FOCAD: variants seen among roughly 807,000 people sequenced by gnomAD.
The protein encoded by FOCAD is focadhesin.
FOCAD carries 198 observed loss-of-function variants against 225.6 expected under a neutral mutation model. That is an observed-to-expected ratio of 0.88 (90% CI 0.78 to 0.99). FOCAD has a LOEUF of 0.99. Among genes scored for constraint, FOCAD ranks in the 50% least tolerant of loss-of-function variants. The probability of loss-of-function intolerance (pLI) is 0.00; values close to 1 mark genes in which losing one functional copy is unlikely to be tolerated. For missense variants in FOCAD, 2,713 were observed against 2,123.6 expected (o/e 1.28, Z -5.46); for synonymous variants, 897 against 755.0 (o/e 1.19, Z -3.08).
intron 8 of FOCAD, among the ~76,000 whole-genome samples, 162 bp from the exon 9 acceptor site, chr9:20,778,519 C>T (rs569321912): frequency 6.6e-6 from 1 of 152,150 alleles, no homozygotes; most frequent in African/African-American, 2.4e-5. Context: ...CACGCCCGGC[C>T]GACCAATTCT....
At chr9:20,831,261 T>C (rs1825465119) in intron 15 of FOCAD, among the ~76,000 whole-genome samples, 1 of 152,126 alleles carries the variant, frequency 6.6e-6, no homozygotes, top group Non-Finnish European at 1.5e-5. Context: ...AGGCCAGTTA[T>C]CATTTATTCA....
At chr9:20,768,102 T>G (rs1319711094) in intron 7 of FOCAD, among the ~76,000 whole-genome samples, 1 of 149,792 alleles carries the variant, frequency 6.7e-6, no homozygotes, top group African/African-American at 2.4e-5. Flanking sequence ...CCATTGCTTG[T>G]TTTTCTCAGG....
chr9:20,769,935 A>T, intron 7 of FOCAD, 97 bp from the exon 8 acceptor site: 1 of 1,102,392 alleles, frequency 9.1e-7, no homozygotes, highest in Non-Finnish European at 1.3e-6. Context: ...TTATAGGTTT[A>T]GAGAAAAAAT....
chr9:20,763,853 C>A (rs1055061909), intron 6 of FOCAD, among the ~76,000 whole-genome samples: 20 of 152,056 alleles, frequency 1.3e-4, no homozygotes, highest in Middle Eastern at 3.4e-3. Context: ...ATGATCATTC[C>A]GGTGTTTTAG....
At position 20,862,498 on chromosome 9, in the gene FOCAD, T is replaced by C. The variant is rs769452908; in HGVS notation, c.1921-80T>C. Reference sequence around the variant, plus strand: ...ATTTGTTTCTTAAGTTTCCTTATAATAAAATATAGTACTCTTAATTAATGG... The same window carrying C: ...ATTTGTTTCTTAAGTTTCCTTATAACAAAATATAGTACTCTTAATTAATGG... On this transcript the variant is annotated intron_variant, in intron 15 of 43. Transcript: ENST00000338382. 9.0e-6 allele frequency: 13 copies of C among 1,452,316 alleles called. 1 individual carries two copies. The highest frequency in any genetic ancestry group is 9.2e-6 in the Non-Finnish European group (10 of 1,085,688). The allele number at this position is 1,452,316 out of a possible 1,614,324, so 90.0% of individuals were successfully genotyped here.
Position 20,885,132 on chromosome 9 carries a change from G to A in FOCAD, c.2527G>A (p.Val843Ile). The A allele has an allele frequency of 6.7e-7, 1 of 1,503,420 alleles. No homozygotes were observed. Among genetic ancestry groups the A allele is most frequent in the Non-Finnish European group, 8.9e-7 (1 of 1,124,126 alleles). The allele number at this position is 1,503,420 out of a possible 1,614,324, so 93.1% of individuals were successfully genotyped here. A position where few individuals can be genotyped will look rare whatever the true frequency, so the allele number is the denominator to read the frequency against. Residue 843 changes from valine to isoleucine, a missense_variant, in exon 21 of 44, where the codon GTT becomes ATT. Coordinates refer to ENST00000338382, the MANE Select transcript of FOCAD (RefSeq NM_001375567.1). ...AGGTGGTATGTTATTTTGCTATGAT[G>A]TTTCCATGTATCAGAGTAAAGATGG... ...LAGGMLFCYD[V>I]SMYQSKDGKP...
intron 11 of FOCAD, among the ~76,000 whole-genome samples, chr9:20,794,874 A>C (rs540944798): frequency 1.3e-5 from 2 of 152,284 alleles, no homozygotes; most frequent in South Asian, 4.1e-4. Context: ...AGCCCTTTTT[A>C]GATTTGTGAG....
chr9:20,886,374 G>A (rs542302707), intron 21 of FOCAD, among the ~76,000 whole-genome samples: 57 of 152,248 alleles, frequency 3.7e-4, no homozygotes, highest in African/African-American at 1.3e-3. Flanking sequence ...AGAGAAGGGA[G>A]AAACGTGGTA....
Position 20,948,881 on chromosome 9 carries a change from C to A in FOCAD, c.3829C>A (p.Leu1277Ile), listed in dbSNP as rs1468754247. 6.2e-7 allele frequency: 1 copy of A among 1,613,552 alleles called. No individual in the cohort carries two copies. Among genetic ancestry groups the A allele is most frequent in the South Asian group, 1.1e-5 (1 of 91,060 alleles). ...TCCCACAATGCTTTGTCTGGCAGCT[C>A]TTCATGGCATGGTGGCCTTGGTAGG... is the stretch of plus-strand genomic sequence containing the variant. Reference protein sequence around the residue: ...GTPTMLCLAALHGMVALVGSE... With the variant: ...GTPTMLCLAAIHGMVALVGSE... Residue 1277 changes from leucine to isoleucine, a missense_variant, in exon 32 of 44, where the codon CTT becomes ATT. Physicochemically the swap from Leu to Ile is conservative, Grantham distance 5. Coordinates refer to ENST00000338382, the MANE Select transcript of FOCAD (RefSeq NM_001375567.1).
chr9:20,748,807 G>T (rs1268682660), intron 5 of FOCAD, among the ~76,000 whole-genome samples: 1 of 151,984 alleles, frequency 6.6e-6, no homozygotes, highest in Non-Finnish European at 1.5e-5. Context: ...ATCACCTGGG[G>T]TTTACACCTA....
At chr9:20,905,405 T>C (rs1328350345) in intron 21 of FOCAD, among the ~76,000 whole-genome samples, 5 of 152,052 alleles carry the variant, frequency 3.3e-5, no homozygotes, top group African/African-American at 1.2e-4. Context: ...AAAAAGCATT[T>C]GTGAGACCAT....
chr9:20,830,650 T>G (rs968019073), intron 15 of FOCAD, among the ~76,000 whole-genome samples: 6 of 152,130 alleles, frequency 3.9e-5, no homozygotes, highest in Non-Finnish European at 8.8e-5. Flanking sequence ...TCATTTTTGA[T>G]TGAATATTTA....
In FOCAD at chr9:20,874,776, G is replaced by A; in HGVS notation, c.2286G>A (p.Leu762=). ...LSVPGSCYLK[L]LSLTPPLVLP... is the part of the protein sequence containing the mutation. ...TTCCTGGCTCTTGCTATCTCAAACT[G>A]TTGTCACTCACTCCCCCTTTGGTTT... The change falls in exon 19 of 44, where the codon CTG becomes CTA. Residue 762 remains leucine (L), a synonymous_variant. Coordinates refer to ENST00000338382, the MANE Select transcript of FOCAD (RefSeq NM_001375567.1). The A allele has an allele frequency of 6.2e-7, 1 of 1,613,616 alleles. No homozygotes were observed. Among genetic ancestry groups the A allele is most frequent in the East Asian group, 2.2e-5 (1 of 44,810 alleles).
chr9:20,914,448 G>T (rs1285950301), intron 23 of FOCAD, among the ~76,000 whole-genome samples: 2 of 152,184 alleles, frequency 1.3e-5, no homozygotes, highest in African/African-American at 4.8e-5. Flanking sequence ...GAGGCTTGAG[G>T]GAGGTTGAGG....
chr9:20,659,293 G>C (rs1197928385), intron 2 of FOCAD, among the ~76,000 whole-genome samples: 2 of 149,620 alleles, frequency 1.3e-5, no homozygotes, highest in African/African-American at 2.5e-5. Context: ...TGTAGTTCCA[G>C]CTAATTCGGA....
intron 22 of FOCAD, 26 bp from the exon 23 acceptor site, chr9:20,912,840 G>T: frequency 6.3e-7 from 1 of 1,589,496 alleles, no homozygotes; most frequent in African/African-American, 1.3e-5. Flanking sequence ...GAGTTCACAT[G>T]CTGATTTATG....
intron 8 of FOCAD, among the ~76,000 whole-genome samples, chr9:20,776,022 T>C (rs1249488542): frequency 6.6e-6 from 1 of 152,034 alleles, no homozygotes; most frequent in East Asian, 1.9e-4. Context: ...ATGACTAGAG[T>C]TCATCTGACA....
intron 42 of FOCAD, among the ~76,000 whole-genome samples, chr9:20,992,749 A>G (rs567052149): frequency 1.3e-5 from 2 of 152,216 alleles, no homozygotes; most frequent in South Asian, 2.1e-4. Context: ...CACAAGGTCA[A>G]GAGATCGAGA....
At chr9:20,855,036 C>CT (rs746966449) in intron 15 of FOCAD, among the ~76,000 whole-genome samples, 4 of 151,480 alleles carry the variant, frequency 2.6e-5, no homozygotes, top group East Asian at 1.9e-4. Flanking sequence ...CAATAGACAG[C>CT]TTTTTTTAAT....
Sources: allele counts gnomAD v4.1 joint callset (sites outside exome capture counted in the v4.1 genomes callset), GRCh38; gene constraint gnomAD v4.1.1; transcripts MANE v1.5; gene names NCBI Gene and HGNC (gene_info 2026-07-23, HGNC 2026-07-21).